BBS9: variants seen among roughly 807,000 people sequenced by gnomAD.
The protein encoded by BBS9 is Bardet-Biedl syndrome 9, also known as protein PTHB1.
Under a neutral mutation model 117.7 loss-of-function variants are expected in BBS9, and 89 were observed. That is an observed-to-expected ratio of 0.76 (90% CI 0.64 to 0.90). The LOEUF is 0.90. Ranked by LOEUF, BBS9 falls within the 40% of genes least tolerant of loss-of-function variation. The pLI is 0.00. For missense variants in BBS9, 982 were observed against 1,042.2 expected (o/e 0.94, Z 0.80); for synonymous variants, 379 against 370.9 (o/e 1.02, Z -0.25).
rs181381524 is a variant in BBS9, at chr7:33,251,507, G to C, written c.443-5729G>C. On this transcript the variant is annotated intron_variant, in intron 5 of 22. Coordinates refer to ENST00000242067, the MANE Select transcript of BBS9 (RefSeq NM_198428.3). ...ACTAGGGGGAAGCTAGCAAATGTTTGCTAGATGAGGGGGAGAAAAGTTAAA... is the reference window on the plus strand; with the variant it reads ...ACTAGGGGGAAGCTAGCAAATGTTTCCTAGATGAGGGGGAGAAAAGTTAAA... Among the ~76,000 whole-genome samples the C allele has an allele frequency of 3.9e-5, 6 of 152,242 alleles. No homozygotes were observed. In the East Asian group the frequency reaches 1.2e-3, roughly 29 times the overall value.
intron 9 of BBS9, among the ~76,000 whole-genome samples, chr7:33,278,379 C>T (rs1051301706): frequency 6.6e-6 from 1 of 152,100 alleles, no homozygotes; most frequent in African/African-American, 2.4e-5. Flanking sequence ...ATGACAAAGA[C>T]GTTAATATTC....
chr7:33,132,419 G>A (rs1163428624), intron 1 of BBS9, among the ~76,000 whole-genome samples: 1 of 152,164 alleles, frequency 6.6e-6, no homozygotes, highest in Non-Finnish European at 1.5e-5. Context: ...TAAATGATTA[G>A]TAGATACTTT....
At chr7:33,183,858 T>C (rs188786483) in intron 5 of BBS9, among the ~76,000 whole-genome samples, 1 of 152,286 alleles carries the variant, frequency 6.6e-6, no homozygotes, top group Admixed American at 6.5e-5. Flanking sequence ...GCAAAGTTTG[T>C]AGCTGACTAG....
intron 19 of BBS9, among the ~76,000 whole-genome samples, chr7:33,420,842 G>T (rs1280293470): frequency 2.6e-5 from 4 of 152,136 alleles, no homozygotes; most frequent in Admixed American, 6.5e-5. Context: ...TGGGATTCTT[G>T]CCAGGCTCTG....
At chr7:33,629,557 C>T (rs77376008) in intron 21 of BBS9, among the ~76,000 whole-genome samples, 142 of 152,270 alleles carry the variant, frequency 9.3e-4, no homozygotes, top group African/African-American at 3.4e-3. Flanking sequence ...ATGCCTCCCT[C>T]AGCCCTTTGT....
chr7:33,341,063 C>T, intron 11 of BBS9, 90 bp downstream of exon 11: 1 of 1,078,768 alleles, frequency 9.3e-7, no homozygotes, highest in Non-Finnish European at 1.4e-6. Flanking sequence ...AAGTTTGGTC[C>T]TCCAAGTAGA....
chr7:33,314,407 G>T (rs895683767), intron 9 of BBS9: 1 of 286,692 alleles, frequency 3.5e-6, no homozygotes, highest in South Asian at 3.2e-5. Flanking sequence ...GCTATTATTT[G>T]CATAGTCTTT....
intron 20 of BBS9, among the ~76,000 whole-genome samples, chr7:33,511,095 A>G (rs1846889389): frequency 6.6e-6 from 1 of 152,088 alleles, no homozygotes; most frequent in African/African-American, 2.4e-5. Context: ...GCCTTGGTAA[A>G]CATTGTAACC....
rs1025046220 is a variant in BBS9, at chr7:33,599,630, G to A, written c.2522-5235G>A. ...GACATTCTTTTTAACATCCATTGAT[G>A]TAGTCTCCAATTTATAAATGGTTGG... On this transcript the variant is annotated intron_variant, in intron 21 of 22. Coordinates refer to ENST00000242067, the MANE Select transcript of BBS9 (RefSeq NM_198428.3). 2.0e-5 allele frequency among the ~76,000 whole-genome samples: 3 copies of A among 152,154 alleles called. No individual in the cohort carries two copies. The South Asian group carries it at 6.2e-4, about 32-fold the overall frequency.
chr7:33,447,516 G>A (rs1329760043), intron 19 of BBS9, among the ~76,000 whole-genome samples: 3 of 152,112 alleles, frequency 2.0e-5, no homozygotes, highest in Admixed American at 2.0e-4. Context: ...GCATATAGAA[G>A]TTTTAGATCT....
chr7:33,417,709 A>G (rs1173331971), intron 19 of BBS9, among the ~76,000 whole-genome samples: 2 of 152,244 alleles, frequency 1.3e-5, no homozygotes, highest in Non-Finnish European at 1.5e-5. Context: ...CTAGCTAATC[A>G]GAGTGAGTTT....
intron 21 of BBS9, among the ~76,000 whole-genome samples, chr7:33,537,329 A>T (rs1339078414): frequency 6.6e-6 from 1 of 152,356 alleles, no homozygotes; most frequent in South Asian, 2.1e-4. Flanking sequence ...CCTGGCGTCC[A>T]GAGTTTGAAA....
intron 21 of BBS9, among the ~76,000 whole-genome samples, chr7:33,540,648 G>A (rs1047883659): frequency 6.6e-6 from 1 of 152,174 alleles, no homozygotes; most frequent in Non-Finnish European, 1.5e-5. Context: ...AGAAATGGTG[G>A]TAAGGAAACA....
intron 19 of BBS9, among the ~76,000 whole-genome samples, chr7:33,468,450 G>A (rs892930695): frequency 2.0e-5 from 3 of 152,062 alleles, no homozygotes; most frequent in African/African-American, 7.2e-5. Context: ...TTTGATACAT[G>A]TATACAATGT....
chr7:33,516,921 G>A (rs1847896947), intron 20 of BBS9, among the ~76,000 whole-genome samples: 2 of 152,200 alleles, frequency 1.3e-5, no homozygotes, highest in South Asian at 4.1e-4. Flanking sequence ...ATCACTAACA[G>A]TGTTAACAGG....
At chr7:33,290,134 A>C (rs1426954690) in intron 9 of BBS9, among the ~76,000 whole-genome samples, 1 of 152,128 alleles carries the variant, frequency 6.6e-6, no homozygotes, top group African/African-American at 2.4e-5. Context: ...CAATAACTTA[A>C]AGCATTTAGG....
chr7:33,284,809 G>A (rs1802574171), intron 9 of BBS9, among the ~76,000 whole-genome samples: 1 of 152,074 alleles, frequency 6.6e-6, no homozygotes, highest in Non-Finnish European at 1.5e-5. Flanking sequence ...CACGGCACTG[G>A]TTTTGGTCTT....
chr7:33,300,677 A>T (rs546499956), intron 9 of BBS9, among the ~76,000 whole-genome samples: 1 of 150,964 alleles, frequency 6.6e-6, no homozygotes, highest in Non-Finnish European at 1.5e-5. Flanking sequence ...TTCTGTGTGG[A>T]TATAAGAAGG....
intron 18 of BBS9, among the ~76,000 whole-genome samples, chr7:33,386,455 CATTTATTTATTTATTTATTT>C (rs35669997): frequency 4.8e-4 from 66 of 138,350 alleles, no homozygotes; most frequent in Admixed American, 1.7e-3. Context: ...AGCTTGCTTT[CATTTATTTATTTATTTATTT>C]ATTTATTTAT....
Sources: allele counts gnomAD v4.1 joint callset (sites outside exome capture counted in the v4.1 genomes callset), GRCh38; gene constraint gnomAD v4.1.1; transcripts MANE v1.5; gene names NCBI Gene and HGNC (gene_info 2026-07-23, HGNC 2026-07-21).